The following RAB38 variants were observed in gnomAD, a reference collection of about 807,000 sequenced individuals.
RAB38 encodes ras-related protein Rab-38.
RAB38 carries 15 observed loss-of-function variants against 18.4 expected under a neutral mutation model. The observed-to-expected ratio is 0.82, with a 90% CI of 0.55 to 1.26. The LOEUF (loss-of-function observed/expected upper bound fraction) is 1.26. RAB38 is among the 50% of genes most tolerant of loss of function. The pLI is 0.00. For missense variants in RAB38, 294 were observed against 267.4 expected (o/e 1.10, Z -0.69); for synonymous variants, 101 against 104.4 (o/e 0.97, Z 0.20).
intron 2 of RAB38, among the ~76,000 whole-genome samples, chr11:88,120,780 C>T (rs1388809221): frequency 6.6e-6 from 1 of 152,028 alleles, no homozygotes; most frequent in Non-Finnish European, 1.5e-5. Flanking sequence ...GCTCTAGAGC[C>T]TTATACCTCC....
chr11:87,966,047 C>G, the RAB38 span, among the ~76,000 whole-genome samples: 1 of 152,188 alleles, frequency 6.6e-6, no homozygotes. Context: ...AGGAAAGGTA[C>G]AGGCAAAGGA....
At chr11:88,118,857 C>A (rs35028487) in intron 2 of RAB38, among the ~76,000 whole-genome samples, 1 of 152,076 alleles carries the variant, frequency 6.6e-6, no homozygotes, top group African/African-American at 2.4e-5. Context: ...TAAGCAGGTG[C>A]TTTGTTTATT....
the RAB38 span, among the ~76,000 whole-genome samples, chr11:88,077,028 G>GA: frequency 0.25 from 22,170 of 89,942 alleles, 3,847 homozygotes; most frequent in Non-Finnish European, 0.33. Flanking sequence ...GAAAAGAAAA[G>GA]AAAGAAAGCA....
At chr11:88,147,610 C>T (rs571779834) in intron 2 of RAB38, among the ~76,000 whole-genome samples, 11 of 147,418 alleles carry the variant, frequency 7.5e-5, no homozygotes, top group East Asian at 3.9e-4. Context: ...AAAAAGAAAA[C>T]AGCCGGGTGC....
the RAB38 span, among the ~76,000 whole-genome samples, chr11:87,849,346 A>T: frequency 6.6e-6 from 1 of 152,078 alleles, no homozygotes; most frequent in Non-Finnish European, 1.5e-5. Flanking sequence ...ACTGCTCTTC[A>T]TCTGGGCTAT....
the RAB38 span, among the ~76,000 whole-genome samples, chr11:88,032,913 A>T: frequency 6.6e-6 from 1 of 152,246 alleles, no homozygotes; most frequent in Non-Finnish European, 1.5e-5. Flanking sequence ...TGCTGCTGTA[A>T]AGACACATGC....
At chr11:87,922,594 A>G in the RAB38 span, among the ~76,000 whole-genome samples, 1 of 151,948 alleles carries the variant, frequency 6.6e-6, no homozygotes, top group Non-Finnish European at 1.5e-5. Flanking sequence ...GAGTCATCTT[A>G]TGGAGATTTT....
chr11:87,812,876 G>C, the RAB38 span, among the ~76,000 whole-genome samples: 1 of 152,086 alleles, frequency 6.6e-6, no homozygotes, highest in Non-Finnish European at 1.5e-5. Context: ...TTCTAAATTG[G>C]CCTGTTGAAG....
chr11:88,068,489 G>T, the RAB38 span, among the ~76,000 whole-genome samples: 2 of 152,166 alleles, frequency 1.3e-5, 1 homozygote, highest in South Asian at 4.2e-4. Flanking sequence ...AGAAAATTTA[G>T]GATTTCTGAC....
chr11:87,964,125 A>C, the RAB38 span, among the ~76,000 whole-genome samples: 2 of 152,154 alleles, frequency 1.3e-5, no homozygotes, highest in Non-Finnish European at 2.9e-5. Context: ...CTGCATATCA[A>C]ACCTCCCCAA....
At chr11:87,879,833 T>C in the RAB38 span, 129 of 151,826 alleles carry the variant, frequency 8.5e-4, no homozygotes, top group African/African-American at 3.0e-3. Flanking sequence ...TCTCCTCACA[T>C]TGTAAAGAAA....
intron 2 of RAB38, among the ~76,000 whole-genome samples, chr11:88,118,970 G>T (rs1347648754): frequency 1.3e-5 from 2 of 152,106 alleles, no homozygotes; most frequent in Non-Finnish European, 2.9e-5. Context: ...CTTATCCAGA[G>T]CAGAACATTA....
intron 1 of RAB38, among the ~76,000 whole-genome samples, chr11:88,160,995 GAGAAA>G (rs58965117): frequency 0.18 from 26,980 of 151,762 alleles, 2,476 homozygotes; most frequent in African/African-American, 0.23. Context: ...TAAAAGTTTA[GAGAAA>G]AGAAAAGAAA....
intron 2 of RAB38, among the ~76,000 whole-genome samples, chr11:88,118,480 T>C (rs994169812): frequency 3.3e-5 from 5 of 152,192 alleles, no homozygotes; most frequent in African/African-American, 9.7e-5. Context: ...GGCATCCAAA[T>C]AGACACAGTG....
At chr11:88,033,645 G>T in the RAB38 span, among the ~76,000 whole-genome samples, 1 of 150,558 alleles carries the variant, frequency 6.6e-6, no homozygotes, top group Non-Finnish European at 1.5e-5. Context: ...TTTAGTTCTT[G>T]CAATTTTATT....
chr11:88,078,933 T>TAA, the RAB38 span, among the ~76,000 whole-genome samples: 736 of 152,090 alleles, frequency 4.8e-3, 7 homozygotes, highest in African/African-American at 0.017. Context: ...AATTTCATAG[T>TAA]TACATTGATT....
chr11:87,902,956 AT>A, the RAB38 span, among the ~76,000 whole-genome samples: 2 of 150,946 alleles, frequency 1.3e-5, no homozygotes, highest in African/African-American at 4.8e-5. Context: ...TTTGATGGAA[AT>A]TTTTTGCAGA....
At chr11:88,012,838 T>C in the RAB38 span, among the ~76,000 whole-genome samples, 1 of 152,208 alleles carries the variant, frequency 6.6e-6, no homozygotes, top group Non-Finnish European at 1.5e-5. Context: ...GTTCCTTTAC[T>C]ACACTAGTGG....
At chr11:88,151,516 T>C (rs957345166) in intron 1 of RAB38, among the ~76,000 whole-genome samples, 1 of 152,236 alleles carries the variant, frequency 6.6e-6, no homozygotes, top group South Asian at 2.1e-4. Flanking sequence ...CTTTTTATTC[T>C]GATTTGGGAA....
Sources: gnomAD v4.1 joint callset for allele counts (sites outside exome capture counted in the v4.1 genomes callset) on GRCh38, gnomAD v4.1.1 for gene constraint, MANE v1.5 for transcripts, NCBI Gene and HGNC (gene_info 2026-07-23, HGNC 2026-07-21) for gene names.